Variants in CDC42EP4 observed in about 807,000 individuals in gnomAD.
CDC42EP4 encodes the protein CDC42 effector protein (Rho GTPase binding) 4.
Under a neutral mutation model 5.6 loss-of-function variants are expected in CDC42EP4, and 6 were observed. The ratio of observed to expected loss-of-function variants is 1.07; its 90% CI spans 0.59 to 2.12. CDC42EP4 has a LOEUF of 2.12. CDC42EP4 is among the 30% of genes most tolerant of loss of function. The pLI is 0.00. For missense variants in CDC42EP4, 490 were observed against 508.6 expected, an observed-to-expected ratio of 0.96 and a Z score of 0.35; for synonymous variants, 230 against 224.2, an observed-to-expected ratio of 1.03 and a Z score of -0.23.
At chr17:73,304,287 T>C (rs1328510505) in intron 1 of CDC42EP4, among the ~76,000 whole-genome samples, 1 of 151,616 alleles carries the variant, frequency 6.6e-6, no homozygotes, top group African/African-American at 2.4e-5. Flanking sequence ...CTTTTTTTTT[T>C]TTTTCCTGAG....
chr17:73,303,203 C>T (rs184046376), intron 1 of CDC42EP4, among the ~76,000 whole-genome samples: 1 of 151,494 alleles, frequency 6.6e-6, no homozygotes, highest in African/African-American at 2.4e-5. Context: ...ATTAGCTGGG[C>T]GTGGTGGCGC....
rs2062125509 is a variant in CDC42EP4, at chr17:73,285,320, C to G, written c.*110G>C. On this transcript the variant is annotated 3_prime_UTR_variant, in exon 2 of 2. Transcript: ENST00000335793. The surrounding 1 kb of genome is among the most constrained non-coding windows in gnomAD (Gnocchi z 6.8). ...ATCTACAAGGTCCAGGGTCCATGGT[C>G]TGAATCAAGGGTCCTGGCTGCCCCT... is the stretch of plus-strand genomic sequence containing the variant. The G allele has an allele frequency of 2.3e-6, 2 of 873,984 alleles. No individual in the cohort carries two copies. Among genetic ancestry groups the G allele is most frequent in the East Asian group, 2.5e-5 (1 of 40,666 alleles). 54.1% of individuals were successfully genotyped at this position (873,984 alleles called of 1,614,324 possible).
chr17:73,289,458 A>G (rs919133336), intron 1 of CDC42EP4, among the ~76,000 whole-genome samples: 1 of 152,110 alleles, frequency 6.6e-6, no homozygotes, highest in African/African-American at 2.4e-5. Context: ...GGTGCCAGGA[A>G]GGTGGTGCGT....
In CDC42EP4 at chr17:73,286,752, T is replaced by C. The variant is rs2062136961; in HGVS notation, c.-112-140A>G. On this transcript the variant is annotated intron_variant, in intron 1 of 1. Coordinates refer to ENST00000335793, the MANE Select transcript of CDC42EP4 (RefSeq NM_012121.5). This position sits in a 1 kb window ranked among gnomAD's most constrained non-coding sequence, Gnocchi z 7.7. ...TGTGAAATAAGCCAGCAATCCATGG[T>C]ATAACCCTGCCTGTTTCTTCATCCG... is the stretch of plus-strand genomic sequence containing the variant. The C allele has an allele frequency of 2.0e-6, 1 of 496,922 alleles. No individual in the cohort carries two copies. The highest frequency in any genetic ancestry group is 1.9e-5 in the African/African-American group (1 of 52,644). 30.8% of individuals were successfully genotyped at this position (496,922 alleles called of 1,614,324 possible).
intron 1 of CDC42EP4, among the ~76,000 whole-genome samples, chr17:73,298,408 G>T (rs2062199802): frequency 6.6e-6 from 1 of 152,184 alleles, no homozygotes; most frequent in Admixed American, 6.5e-5. Flanking sequence ...GAGCGATAAG[G>T]ATCACTCCCA....
In CDC42EP4 at chr17:73,286,669, AG is replaced by A; in HGVS notation, c.-112-58del. On this transcript the variant is annotated intron_variant, in intron 1 of 1. Coordinates refer to ENST00000335793, the MANE Select transcript of CDC42EP4 (RefSeq NM_012121.5). This position sits in a 1 kb window ranked among gnomAD's most constrained non-coding sequence, Gnocchi z 7.7. ...ACGCGGGCTGGCCACACGGCACAAAAGCCTCTTTGCCAGGGGACTGTCATTT... is the reference window on the plus strand; with the variant it reads ...ACGCGGGCTGGCCACACGGCACAAAACCTCTTTGCCAGGGGACTGTCATTT... 3.4e-6 allele frequency: 2 copies of A among 595,380 alleles called. No homozygotes were observed. The highest frequency in any genetic ancestry group is 5.9e-6 in the Non-Finnish European group (2 of 337,760). The allele number at this position is 595,380 out of a possible 1,614,324, so 36.9% of individuals were successfully genotyped here. A position where few individuals can be genotyped will look rare whatever the true frequency, so the allele number is the denominator to read the frequency against.
At chr17:73,306,976 G>T (rs978881999) in intron 1 of CDC42EP4, 3 of 152,314 alleles carry the variant, frequency 2.0e-5, no homozygotes, top group African/African-American at 4.8e-5. Flanking sequence ...CTCTGCTACC[G>T]TGATGGCCAA....
Position 73,285,963 on chromosome 17 carries a change from C to A in CDC42EP4, c.538G>T (p.Asp180Tyr). The A allele has an allele frequency of 1.2e-6, 2 of 1,613,706 alleles. No homozygotes were observed. The highest frequency in any genetic ancestry group is 1.7e-6 in the Non-Finnish European group (2 of 1,179,952). The change falls in exon 2 of 2, where the codon GAT becomes TAT. Residue 180 changes from aspartate to tyrosine, a missense_variant. Asp to Tyr is a radical substitution (Grantham distance 160). Transcript: ENST00000335793. This position sits in a 1 kb window ranked among gnomAD's most constrained non-coding sequence, Gnocchi z 6.8. ...AGPHSPDPLLDEQAFGDLTDL... is the reference protein window; with the variant it reads ...AGPHSPDPLLYEQAFGDLTDL... ...GTCAGATCCCCAAAGGCCTGCTCATCGAGGAGGGGGTCAGGGGAATGTGGA... is the reference window on the plus strand; with the variant it reads ...GTCAGATCCCCAAAGGCCTGCTCATAGAGGAGGGGGTCAGGGGAATGTGGA...
intron 1 of CDC42EP4, among the ~76,000 whole-genome samples, chr17:73,295,272 C>A (rs2173428): frequency 1.3e-5 from 2 of 152,236 alleles, no homozygotes; most frequent in African/African-American, 4.8e-5. Context: ...TTGCCAAAGG[C>A]CACAGAACTC....
intron 1 of CDC42EP4, among the ~76,000 whole-genome samples, chr17:73,303,209 G>A (rs2062228008): frequency 6.6e-6 from 1 of 151,798 alleles, no homozygotes; most frequent in Admixed American, 6.6e-5. Flanking sequence ...TGGGCGTGGT[G>A]GCGCATGCCT....
Position 73,285,423 on chromosome 17 carries a change from G to A in CDC42EP4, c.*7C>T. 1 of 1,540,446 alleles carries A rather than the reference G, an allele frequency of 6.5e-7. No homozygotes were observed. Among genetic ancestry groups the A allele is most frequent in the East Asian group, 2.3e-5 (1 of 43,926 alleles). Reference sequence around the variant, plus strand: ...CAAGAGCTCCCGGTGGCCACCCACTGTCCGCCTCACACACGGATTTCATCC... The same window carrying A: ...CAAGAGCTCCCGGTGGCCACCCACTATCCGCCTCACACACGGATTTCATCC... On this transcript the variant is annotated 3_prime_UTR_variant, in exon 2 of 2. Transcript: ENST00000335793. This position sits in a 1 kb window ranked among gnomAD's most constrained non-coding sequence, Gnocchi z 6.8.
In CDC42EP4 at chr17:73,285,575, G is replaced by A; in HGVS notation, c.926C>T (p.Ser309Phe). The A allele has an allele frequency of 1.2e-6, 2 of 1,611,894 alleles. No individual in the cohort carries two copies. The highest frequency in any genetic ancestry group is 1.3e-5 in the African/African-American group (1 of 75,066). Residue 309 changes from serine (S) to phenylalanine (F), a missense_variant, in exon 2 of 2, where the codon TCC becomes TTC. Physicochemically the swap from Ser to Phe is radical, Grantham distance 155. Transcript: ENST00000335793. The surrounding 1 kb of genome is among the most constrained non-coding windows in gnomAD (Gnocchi z 6.8). Reference protein sequence around the residue: ...MGSHTTRDSSSLSSCTSGILE... With the variant: ...MGSHTTRDSSFLSSCTSGILE... ...GATGCCTGAGGTGCAGCTGGAGAGG[G>A]AGCTGCTGTCCCGTGTGGTGTGGCT...
In CDC42EP4 at chr17:73,284,540, A is replaced by C. The variant is rs540583862; in HGVS notation, c.*890T>G. The C allele has an allele frequency of 1.4e-4, 21 of 151,714 alleles. No homozygotes were observed. The East Asian group carries it at 4.1e-3, about 29-fold the overall frequency. 9.4% of individuals were successfully genotyped at this position (151,714 alleles called of 1,614,324 possible). A position where few individuals can be genotyped will look rare whatever the true frequency, so the allele number is the denominator to read the frequency against. On this transcript the variant is annotated 3_prime_UTR_variant, in exon 2 of 2. Transcript: ENST00000335793. ...GGATGTCCCCAGACTCCAGTCCGCT[A>C]ATCGCCACCAGACTCCAGTCCGCTA... is the stretch of plus-strand genomic sequence containing the variant.
At chr17:73,307,803 C>A (rs1168621131) in intron 1 of CDC42EP4, among the ~76,000 whole-genome samples, 2 of 146,434 alleles carry the variant, frequency 1.4e-5, no homozygotes, top group Admixed American at 1.4e-4. Context: ...CACTCTATCG[C>A]CCATGCTGGA....
chr17:73,309,547 G>T (rs887873600), intron 1 of CDC42EP4, among the ~76,000 whole-genome samples: 3 of 152,012 alleles, frequency 2.0e-5, no homozygotes, highest in Non-Finnish European at 4.4e-5. Context: ...AGAGGATGGG[G>T]ACAAGCACGG....
chr17:73,290,363 G>A (rs752407168), intron 1 of CDC42EP4, among the ~76,000 whole-genome samples: 9 of 152,178 alleles, frequency 5.9e-5, no homozygotes, highest in Non-Finnish European at 1.2e-4. Flanking sequence ...ACTGCTGGCC[G>A]GCAGGGTACA....
chr17:73,286,049 T>A lies in CDC42EP4; in HGVS notation c.452A>T (p.Glu151Val). ...SSPVKKANDGEGGDEEAGTEE... is the reference protein window; with the variant it reads ...SSPVKKANDGVGGDEEAGTEE... ...CGTGCCCGCCTCCTCATCGCCGCCC[T>A]CCCCGTCATTGGCCTTCTTCACGGG... The change falls in exon 2 of 2, where the codon GAG (glutamate) becomes GTG (valine). Residue 151 changes from glutamate (E) to valine (V), a missense_variant. Glu to Val is a moderately radical substitution (Grantham distance 121). Transcript: ENST00000335793. This position sits in a 1 kb window ranked among gnomAD's most constrained non-coding sequence, Gnocchi z 7.7. 1 of 1,613,854 alleles carries A rather than the reference T, an allele frequency of 6.2e-7. No homozygotes were observed. The highest frequency in any genetic ancestry group is 1.7e-5 in the Admixed American group (1 of 60,030).
chr17:73,300,327 T>C (rs2145321732), intron 1 of CDC42EP4, among the ~76,000 whole-genome samples: 2 of 152,008 alleles, frequency 1.3e-5, no homozygotes, highest in Middle Eastern at 6.8e-3. Flanking sequence ...ACAGTGCCCA[T>C]TCCCCAGGTA....
chr17:73,290,857 A>G (rs975402581), intron 1 of CDC42EP4, among the ~76,000 whole-genome samples: 4 of 152,156 alleles, frequency 2.6e-5, no homozygotes, highest in African/African-American at 9.7e-5. Flanking sequence ...TACGCTCATT[A>G]GAGAGGAAAG....
Sources: allele counts gnomAD v4.1 joint callset (sites outside exome capture counted in the v4.1 genomes callset), GRCh38; gene constraint gnomAD v4.1.1; non-coding constraint Gnocchi (gnomAD v3.1); transcripts MANE v1.5; gene names NCBI Gene and HGNC (gene_info 2026-07-23, HGNC 2026-07-21).